Variants in KMT2D observed in about 807,000 individuals in gnomAD.
KMT2D encodes the protein histone-lysine N-methyltransferase 2D.
A neutral mutation model predicts 512.7 loss-of-function variants in KMT2D; 55 were observed. The observed-to-expected ratio is 0.11, with a 90% CI of 0.09 to 0.13. The LOEUF is 0.13. Ranked by LOEUF, KMT2D falls within the 10% of genes least tolerant of loss-of-function variation. The pLI, the probability that KMT2D is intolerant of heterozygous loss-of-function variation, is 1.00. For missense variants in KMT2D, 6,061 were observed against 7,127.9 expected (o/e 0.85, Z 5.39); for synonymous variants, 2,995 against 2,904.0 (o/e 1.03, Z -1.01).
At position 49,037,854 on chromosome 12, in the gene KMT2D, T is replaced by C. The variant is rs749463020; in HGVS notation, c.9502A>G (p.Met3168Val). Residue 3168 changes from methionine to valine, a missense_variant, in exon 35 of 55, where the codon ATG (methionine) becomes GTG (valine). This residue lies in a region of KMT2D where 533 missense variants were observed against 539.6 expected (regional missense o/e 0.99). Coordinates refer to ENST00000301067, the MANE Select transcript of KMT2D (RefSeq NM_003482.4). Reference sequence around the variant, plus strand: ...CTGCTAGAAAATGGCCCTGTGCCCATCCGGGTATCCCGGCTGCCCATCATG... The same window carrying C: ...CTGCTAGAAAATGGCCCTGTGCCCACCCGGGTATCCCGGCTGCCCATCATG... ...QSMMGSRDTR[M>V]GTGPFSSSGH... 1.3e-5 allele frequency: 20 copies of C among 1,596,850 alleles called. No individual in the cohort carries two copies. Among genetic ancestry groups the C allele is most frequent in the Admixed American group, 1.2e-4 (7 of 57,566 alleles).
rs2120434188 is a variant in KMT2D at position 49,032,752 on chromosome 12, G to A, written c.11953C>T (p.Leu3985=). ...TGCTGCTGTTGTTGCTGAGGAGACA[G>A]TAAAGTTCGACTCTGGTTTAAAAGG... ...MGLLNQSRTL[L]SPQQQQQQQV... The change falls in exon 40 of 55, where the codon CTG becomes TTG. Residue 3985 remains leucine (L), a synonymous_variant. Coordinates refer to ENST00000301067, the MANE Select transcript of KMT2D (RefSeq NM_003482.4). 1 of 1,582,910 alleles carries A rather than the reference G, an allele frequency of 6.3e-7. No homozygotes were observed. Among genetic ancestry groups the A allele is most frequent in the Non-Finnish European group, 8.6e-7 (1 of 1,163,802 alleles).
chr12:49,042,391 C>G lies in KMT2D; in HGVS notation c.5868-61G>C, dbSNP rs1245680601. 1 of 1,487,878 alleles carries G rather than the reference C, an allele frequency of 6.7e-7. No homozygotes were observed. Among genetic ancestry groups the G allele is most frequent in the African/African-American group, 1.4e-5 (1 of 71,076 alleles). The allele number at this position is 1,487,878 out of a possible 1,614,324, so 92.2% of individuals were successfully genotyped here. On this transcript the variant is annotated intron_variant, in intron 28 of 54. Transcript: ENST00000301067. The surrounding 1 kb of genome is among the most constrained non-coding windows in gnomAD (Gnocchi z 4.4). ...GATGCCAAGTCCCACCCCAGACAAA[C>G]TGCCTAGAGCCCCAGGCCACTGCCC... is the stretch of plus-strand genomic sequence containing the variant.
In KMT2D at chr12:49,051,352, T is replaced by C. The variant is rs756000362; in HGVS notation, c.2331A>G (p.Pro777=). 1.9e-6 allele frequency: 3 copies of C among 1,597,090 alleles called. No homozygotes were observed. The African/African-American group carries it at 4.2e-5, about 23-fold the overall frequency. ...GCTCCTCAGGCACAGCGCATAGGCA[T>C]GGCTCCTCAGGCTGGGGGGACAGGT... ...EPHLSPQPEE[P]CLCAVPEEPH... The change falls in exon 11 of 55, where the codon CCA becomes CCG. Residue 777 remains proline (P), a synonymous_variant. Coordinates refer to ENST00000301067, the MANE Select transcript of KMT2D (RefSeq NM_003482.4).
chr12:49,029,656 C>T (rs1942794921), intron 43 of KMT2D, among the ~76,000 whole-genome samples, 180 bp from the exon 44 acceptor site: 1 of 148,980 alleles, frequency 6.7e-6, no homozygotes, highest in Non-Finnish European at 1.5e-5. Context: ...ATGCCAGGCA[C>T]TGTTGTTTTT....
Position 49,049,751 on chromosome 12 carries a change from G to A in KMT2D, c.3837C>T (p.Ile1279=), listed in dbSNP as rs772526532. The part of the protein sequence containing the change: ...DSLLCDAGTA[I]SGGKAEGEKG... Reference sequence around the variant, plus strand: ...TCTCCCCCTCAGCTTTGCCTCCGCTGATAGCTGTCCCAGCATCGCACAATA... The same window carrying A: ...TCTCCCCCTCAGCTTTGCCTCCGCTAATAGCTGTCCCAGCATCGCACAATA... The change falls in exon 12 of 55, where the codon ATC becomes ATT. Residue 1279 remains isoleucine (I), a synonymous_variant. Coordinates refer to ENST00000301067, the MANE Select transcript of KMT2D (RefSeq NM_003482.4). 2 of 1,609,372 alleles carry A rather than the reference G, an allele frequency of 1.2e-6. No homozygotes were observed. The highest frequency in any genetic ancestry group is 2.2e-5 in the South Asian group (2 of 91,038).
chr12:49,023,209 A>G (rs1250118745), intron 51 of KMT2D, among the ~76,000 whole-genome samples: 15 of 152,220 alleles, frequency 9.9e-5, no homozygotes, highest in Non-Finnish European at 5.9e-5. Context: ...CTGCCAAACC[A>G]TTCTCAAGGC....
At position 49,031,758 on chromosome 12, in the gene KMT2D, T is replaced by C; in HGVS notation, c.12947A>G (p.Glu4316Gly). 1.2e-6 allele frequency: 2 copies of C among 1,612,580 alleles called. No individual in the cohort carries two copies. Among genetic ancestry groups the C allele is most frequent in the Non-Finnish European group, 1.7e-6 (2 of 1,179,216 alleles). The change falls in exon 40 of 55, where the codon GAG (glutamate) becomes GGG (glycine). Residue 4316 changes from glutamate (E) to glycine (G), a missense_variant. Transcript: ENST00000301067. Reference sequence around the variant, plus strand: ...AGGTAATTGTGAAGGTCTCTTTGGCTCTTGAGGGCTGGATGGTGGAGGTGT... The same window carrying C: ...AGGTAATTGTGAAGGTCTCTTTGGCCCTTGAGGGCTGGATGGTGGAGGTGT... ...HPTPPPSSPQEPKRPSQLPSP... is the reference protein window; with the variant it reads ...HPTPPPSSPQGPKRPSQLPSP...
rs1206348648 is a variant in KMT2D at position 49,020,843 on chromosome 12, C to G, written c.*937G>C. Reference sequence around the variant, plus strand: ...CCTAGGTTTAGCTCCCTCCTGCCCCCATGTCCAGATGGAGAAGGAAGTCCT... The same window carrying G: ...CCTAGGTTTAGCTCCCTCCTGCCCCGATGTCCAGATGGAGAAGGAAGTCCT... On this transcript the variant is annotated 3_prime_UTR_variant, in exon 55 of 55. Transcript: ENST00000301067. 5 of 203,430 alleles carry G rather than the reference C, an allele frequency of 2.5e-5. No homozygotes were observed. The highest frequency in any genetic ancestry group is 1.1e-4 in the African/African-American group (5 of 43,496). The allele number at this position is 203,430 out of a possible 1,614,324, so 12.6% of individuals were successfully genotyped here.
In KMT2D at chr12:49,021,579, G is replaced by A. The variant is rs1199841656; in HGVS notation, c.*201C>T. 1.8e-6 allele frequency: 1 copy of A among 561,818 alleles called. No homozygotes were observed. Among genetic ancestry groups the A allele is most frequent in the South Asian group, 2.5e-5 (1 of 40,140 alleles). The allele number at this position is 561,818 out of a possible 1,614,324, so 34.8% of individuals were successfully genotyped here. The stretch of plus-strand genomic sequence containing the variant: ...AGATGCCAGCCTGAGGGCCGGTGGT[G>A]GGGAAGAGGATTGTCCCTGGTGCCC... On this transcript the variant is annotated 3_prime_UTR_variant, in exon 55 of 55. Transcript: ENST00000301067.
rs367858198 is a variant in KMT2D at position 49,021,722 on chromosome 12, C to G, written c.*58G>C. ...CTGCTACCTCTCTTCCCCCTCATCC[C>G]TTTCAGGGAAGAGGTTGTGGGTAGG... On this transcript the variant is annotated 3_prime_UTR_variant, in exon 55 of 55. Transcript: ENST00000301067. 1.8e-5 allele frequency: 25 copies of G among 1,404,570 alleles called. No homozygotes were observed. In the East Asian group the frequency reaches 2.3e-4, roughly 13 times the overall value. 87.0% of individuals were successfully genotyped at this position (1,404,570 alleles called of 1,614,324 possible). A position where few individuals can be genotyped will look rare whatever the true frequency, so the allele number is the denominator to read the frequency against.
chr12:49,056,929 G>A (rs968537880), intron 1 of KMT2D, among the ~76,000 whole-genome samples: 1 of 152,174 alleles, frequency 6.6e-6, no homozygotes, highest in African/African-American at 2.4e-5. Context: ...ACATGTCACA[G>A]GAAAGAAACT....
At position 49,026,270 on chromosome 12, in the gene KMT2D, A is replaced by G. The variant is rs1942582739; in HGVS notation, c.15696T>C (p.Ile5232=). 1.2e-6 allele frequency: 2 copies of G among 1,611,194 alleles called. No homozygotes were observed. Among genetic ancestry groups the G allele is most frequent in the Non-Finnish European group, 1.7e-6 (2 of 1,177,474 alleles). ...ACTCCGGCCGCCCGTTGTTCTCACC[A>G]ATAGAACAGCGATAGCAGCAGCGAC... ...NNRRCCYRCS[I]GENNGRPEFV... is the part of the protein sequence containing the mutation. The change falls in exon 49 of 55, where the codon ATT becomes ATC. Residue 5232 remains isoleucine, a synonymous_variant. Coordinates refer to ENST00000301067, the MANE Select transcript of KMT2D (RefSeq NM_003482.4). This position sits in a 1 kb window ranked among gnomAD's most constrained non-coding sequence, Gnocchi z 9.6.
At chr12:49,045,137 C>T (rs1231060865) in intron 19 of KMT2D, among the ~76,000 whole-genome samples, 172 bp from the exon 20 acceptor site, 1 of 152,146 alleles carries the variant, frequency 6.6e-6, no homozygotes. Flanking sequence ...GGCCCGAGTT[C>T]TCTGTCAGTG....
At position 49,060,122 on chromosome 12, in the gene KMT2D, C is replaced by A. The variant is rs1938654446; in HGVS notation, c.-547G>T. Among the ~76,000 whole-genome samples the A allele has an allele frequency of 6.6e-6, 1 of 151,398 alleles. No homozygotes were observed. Among genetic ancestry groups the A allele is most frequent in the South Asian group, 2.1e-4 (1 of 4,810 alleles). On this transcript the variant is annotated 5_prime_UTR_variant, in exon 1 of 55. Transcript: ENST00000301067. The stretch of plus-strand genomic sequence containing the variant: ...CAGGAGCGCCGAGCCCCTCTCCCCG[C>A]CCCGGCCGGCGCCCGGGGCCGCGCG...
chr12:49,038,516 T>A lies in KMT2D; in HGVS notation c.8840A>T (p.His2947Leu), dbSNP rs2120499321. Residue 2947 changes from histidine (H) to leucine (L), a missense_variant, in exon 35 of 55, where the codon CAT becomes CTT. His to Leu is a moderately conservative substitution (Grantham distance 99). Transcript: ENST00000301067. The surrounding 1 kb of genome is among the most constrained non-coding windows in gnomAD (Gnocchi z 5.7). ...PPAPELNNSL[H>L]PTPHTKGPTL... ...AGGACCCTTGGTGTGGGGTGTTGGATGAAGACTGTTGTTCAATTCAGGGGC... is the reference window on the plus strand; with the variant it reads ...AGGACCCTTGGTGTGGGGTGTTGGAAGAAGACTGTTGTTCAATTCAGGGGC... The A allele has an allele frequency of 6.2e-7, 1 of 1,608,244 alleles. No homozygotes were observed. Among genetic ancestry groups the A allele is most frequent in the Non-Finnish European group, 8.5e-7 (1 of 1,175,710 alleles).
At position 49,055,354 on chromosome 12, in the gene KMT2D, G is replaced by C. The variant is rs376406778; in HGVS notation, c.-30C>G. 1 of 1,606,616 alleles carries C rather than the reference G, an allele frequency of 6.2e-7. No individual in the cohort carries two copies. The highest frequency in any genetic ancestry group is 8.5e-7 in the Non-Finnish European group (1 of 1,175,006). ...CTCTCCGACTGGGCAGGGCCCTCTCGGGGAGACCTGTTGGTGCCAAGAAAG... is the reference window on the plus strand; with the variant it reads ...CTCTCCGACTGGGCAGGGCCCTCTCCGGGAGACCTGTTGGTGCCAAGAAAG... On this transcript the variant is annotated 5_prime_UTR_variant, in exon 2 of 55. Transcript: ENST00000301067.
At position 49,033,527 on chromosome 12, in the gene KMT2D, T is replaced by TTGCTGC. The variant is rs1244183421; in HGVS notation, c.11172_11177dup (p.Gln3725_Gln3726dup). The stretch of plus-strand genomic sequence containing the variant: ...GCAGTTTCTGGGCCAGCTGCATACG[T>TTGCTGC]TGCTGCTGCAGCTGCAGCTGCCTTT... On this transcript the variant is annotated inframe_insertion, in exon 40 of 55. Transcript: ENST00000301067. 3 of 1,613,160 alleles carry TTGCTGC rather than the reference T, an allele frequency of 1.9e-6. No homozygotes were observed. The highest frequency in any genetic ancestry group is 2.5e-6 in the Non-Finnish European group (3 of 1,179,410).
At position 49,051,468 on chromosome 12, in the gene KMT2D, C is replaced by T. The variant is rs587783706; in HGVS notation, c.2215G>A (p.Glu739Lys). The change falls in exon 11 of 55, where the codon GAG becomes AAG. Residue 739 changes from glutamate (E) to lysine (K), a missense_variant. Physicochemically the swap from Glu to Lys is moderately conservative, Grantham distance 56. Coordinates refer to ENST00000301067, the MANE Select transcript of KMT2D (RefSeq NM_003482.4). ...PEEPQLCPRS[E>K]GPHLSPRPEE... ...GGCCGGGGTGACAGGTGCGGCCCCTCGGACCGGGGGCAGAGTTGCGGCTCC... is the reference window on the plus strand; with the variant it reads ...GGCCGGGGTGACAGGTGCGGCCCCTTGGACCGGGGGCAGAGTTGCGGCTCC... 1.4e-5 allele frequency: 22 copies of T among 1,613,482 alleles called. No homozygotes were observed. Among genetic ancestry groups the T allele is most frequent in the Admixed American group, 1.2e-4 (7 of 59,980 alleles).
In KMT2D at chr12:49,050,946, C is replaced by T. The variant is rs199724002; in HGVS notation, c.2737G>A (p.Glu913Lys). The T allele has an allele frequency of 2.1e-5, 32 of 1,544,398 alleles. No individual in the cohort carries two copies. Among genetic ancestry groups the T allele is most frequent in the Admixed American group, 8.1e-5 (4 of 49,628 alleles). Residue 913 changes from glutamate (E) to lysine (K), a missense_variant, in exon 11 of 55, where the codon GAG (glutamate) becomes AAG (lysine). Glu to Lys is a moderately conservative substitution (Grantham distance 56). Around this residue, in one of 16 missense-constraint regions of KMT2D, gnomAD observed 848 missense variants for 838.5 expected, o/e 1.01. Transcript: ENST00000301067. ...PGEPPLSPLP[E>K]ELPLSPSGEP... Reference sequence around the variant, plus strand: ...CCAGATGGGGACAACGGCAGCTCCTCGGGCAGAGGGGACAGAGGTGGTTCC... The same window carrying T: ...CCAGATGGGGACAACGGCAGCTCCTTGGGCAGAGGGGACAGAGGTGGTTCC...
Sources: allele counts gnomAD v4.1 joint callset (sites outside exome capture counted in the v4.1 genomes callset), GRCh38; gene constraint gnomAD v4.1.1; regional missense constraint gnomAD v4.1.1; non-coding constraint Gnocchi (gnomAD v3.1); transcripts MANE v1.5; gene names NCBI Gene and HGNC (gene_info 2026-07-23, HGNC 2026-07-21).